The following CEBPZ variants were observed in gnomAD, a reference collection of about 807,000 sequenced individuals.
The protein encoded by CEBPZ is CCAAT/enhancer-binding protein zeta.
In CEBPZ, 78 loss-of-function variants were observed where a neutral mutation model predicts 104.5. That is an observed-to-expected ratio of 0.75 (90% CI 0.62 to 0.90). CEBPZ has a LOEUF of 0.90. Ranked by LOEUF, CEBPZ falls within the 40% of genes least tolerant of loss-of-function variation. CEBPZ has a pLI of 0.00. For synonymous variants in CEBPZ, 470 were observed against 427.0 expected (o/e 1.10, Z -1.24); for missense variants, 1,439 against 1,233.5 (o/e 1.17, Z -2.50).
intron 6 of CEBPZ, 139 bp from the exon 7 acceptor site, chr2:37,216,557 C>A: frequency 1.6e-6 from 1 of 642,212 alleles, no homozygotes; most frequent in East Asian, 2.7e-5. Flanking sequence ...TCAAATATCT[C>A]TCTCATGCAC....
intron 4 of CEBPZ, among the ~76,000 whole-genome samples, chr2:37,222,120 C>T (rs1416008046): frequency 6.6e-6 from 1 of 152,002 alleles, no homozygotes; most frequent in South Asian, 2.1e-4. Flanking sequence ...TCCACCTCTA[C>T]TAAAAATACA....
intron 8 of CEBPZ, 54 bp downstream of exon 8, chr2:37,216,086 C>T: frequency 8.2e-7 from 1 of 1,218,226 alleles, no homozygotes; most frequent in South Asian, 1.3e-5. Context: ...ACAATTTATG[C>T]ATCTTTGTCT....
intron 4 of CEBPZ, among the ~76,000 whole-genome samples, chr2:37,221,544 T>C (rs2268989): frequency 6.6e-6 from 1 of 152,240 alleles, no homozygotes; most frequent in African/African-American, 2.4e-5. Context: ...ATTATCTTCA[T>C]GTTTTTAGAA....
In CEBPZ at chr2:37,215,278, G is replaced by A. The variant is rs149550790; in HGVS notation, c.2381-326C>T. The A allele has an allele frequency of 8.7e-3, 1,592 of 183,536 alleles. 6 individuals carry two copies. Among genetic ancestry groups the A allele is most frequent in the Non-Finnish European group, 0.013 (1,170 of 88,826 alleles). 11.4% of individuals were successfully genotyped at this position (183,536 alleles called of 1,614,324 possible). A position where few individuals can be genotyped will look rare whatever the true frequency, so the allele number is the denominator to read the frequency against. ...TTTCAAGAGAAATAAAAAATTCAAA[G>A]AGTTATTTTAATAAATAATCACTTT... On this transcript the variant is annotated intron_variant, in intron 8 of 15. Transcript: ENST00000234170.
At position 37,202,769 on chromosome 2, in the gene CEBPZ, A is replaced by T; in HGVS notation, c.3025+15T>A. The T allele has an allele frequency of 6.7e-7, 1 of 1,502,660 alleles. No individual in the cohort carries two copies. Among genetic ancestry groups the T allele is most frequent in the Non-Finnish European group, 9.0e-7 (1 of 1,116,696 alleles). 93.1% of individuals were successfully genotyped at this position (1,502,660 alleles called of 1,614,324 possible). A position where few individuals can be genotyped will look rare whatever the true frequency, so the allele number is the denominator to read the frequency against. ...CTATTTTTAAAACATCAATAAAAAAATTTAAGTTACTTACTTGCATTATCT... is the reference window on the plus strand; with the variant it reads ...CTATTTTTAAAACATCAATAAAAAATTTTAAGTTACTTACTTGCATTATCT... On this transcript the variant is annotated intron_variant, in intron 15 of 15. Coordinates refer to ENST00000234170, the MANE Select transcript of CEBPZ (RefSeq NM_005760.3).
At position 37,210,988 on chromosome 2, in the gene CEBPZ, T is replaced by C. The variant is rs777561605; in HGVS notation, c.2884+11A>G. ...CACTGCTTTTAAAAGATATTAAATG[T>C]ATTTTCTTACCTTGAAATGAGCCAG... On this transcript the variant is annotated intron_variant, in intron 13 of 15. Coordinates refer to ENST00000234170, the MANE Select transcript of CEBPZ (RefSeq NM_005760.3). The C allele has an allele frequency of 5.1e-5, 81 of 1,590,578 alleles. No homozygotes were observed. The East Asian group carries it at 1.7e-3, about 33-fold the overall frequency.
Position 37,212,050 on chromosome 2 carries a change from A to C in CEBPZ, c.2604-11T>G. The C allele has an allele frequency of 1.3e-6, 2 of 1,573,388 alleles. No homozygotes were observed. Among genetic ancestry groups the C allele is most frequent in the Non-Finnish European group, 1.7e-6 (2 of 1,164,998 alleles). On this transcript the variant is annotated splice_polypyrimidine_tract_variant and intron_variant, in intron 11 of 15. Coordinates refer to ENST00000234170, the MANE Select transcript of CEBPZ (RefSeq NM_005760.3). The stretch of plus-strand genomic sequence containing the variant: ...CTCTTTTTCACGTTTCTGGAAAAAA[A>C]CACAACTTGTAATACAAGAGGAGGC...
intron 13 of CEBPZ, among the ~76,000 whole-genome samples, chr2:37,205,782 C>G (rs1255061300): frequency 6.6e-6 from 1 of 152,196 alleles, no homozygotes; most frequent in Non-Finnish European, 1.5e-5. Context: ...AGACTGTCAC[C>G]TGATACAGCA....
At chr2:37,222,706 C>G (rs1664801354) in intron 3 of CEBPZ, 143 bp from the exon 4 acceptor site, 1 of 567,918 alleles carries the variant, frequency 1.8e-6, no homozygotes, top group South Asian at 2.7e-5. Context: ...TGATGGCTAT[C>G]AATGGTATTT....
intron 1 of CEBPZ, among the ~76,000 whole-genome samples, chr2:37,229,969 T>C (rs886213145): frequency 1.3e-5 from 2 of 152,164 alleles, no homozygotes; most frequent in African/African-American, 4.8e-5. Context: ...GCTGGGATTA[T>C]GGGTGTGAGC....
chr2:37,206,602 C>A (rs113686817), intron 13 of CEBPZ, among the ~76,000 whole-genome samples: 5 of 152,258 alleles, frequency 3.3e-5, no homozygotes, highest in African/African-American at 1.2e-4. Flanking sequence ...AGGTGATGCC[C>A]GCCTGGGCCT....
chr2:37,225,217 T>C (rs1464200906), intron 2 of CEBPZ, among the ~76,000 whole-genome samples: 1 of 152,250 alleles, frequency 6.6e-6, no homozygotes, highest in Non-Finnish European at 1.5e-5. Context: ...CAATCAGTGC[T>C]ATGAAATGTC....
intron 8 of CEBPZ, among the ~76,000 whole-genome samples, chr2:37,215,879 T>C (rs1347526300): frequency 6.6e-6 from 1 of 151,060 alleles, no homozygotes; most frequent in Middle Eastern, 3.2e-3. Flanking sequence ...AGCTGGGTGA[T>C]GGTAATGGGG....
At position 37,222,436 on chromosome 2, in the gene CEBPZ, T is replaced by A. The variant is rs1030784878; in HGVS notation, c.2009A>T (p.Asp670Val). 1 of 1,605,922 alleles carries A rather than the reference T, an allele frequency of 6.2e-7. No individual in the cohort carries two copies. The highest frequency in any genetic ancestry group is 1.3e-5 in the African/African-American group (1 of 74,468). ...LETEETVPET[D>V]VETKKPEVAS... ...AACCTCTGGTTTTTTGGTTTCTACA[T>A]CAGTTTCAGGAACTGTTTCCTCTGT... The change falls in exon 4 of 16, where the codon GAT (aspartate) becomes GTT (valine). Residue 670 changes from aspartate (D) to valine (V), a missense_variant. Coordinates refer to ENST00000234170, the MANE Select transcript of CEBPZ (RefSeq NM_005760.3).
intron 1 of CEBPZ, 139 bp downstream of exon 1, chr2:37,231,273 C>T (rs1665084049): frequency 1.7e-6 from 2 of 1,181,620 alleles, no homozygotes; most frequent in Admixed American, 1.9e-5. Context: ...GGAAGCGCAC[C>T]GAACACATGC....
Position 37,228,427 on chromosome 2 carries a change from G to C in CEBPZ, c.766C>G (p.Gln256Glu). 2.5e-6 allele frequency: 4 copies of C among 1,614,188 alleles called. No homozygotes were observed. Among genetic ancestry groups the C allele is most frequent in the Non-Finnish European group, 3.4e-6 (4 of 1,180,018 alleles). The part of the protein sequence containing the change: ...DRMAAMILLI[Q>E]DDAVHTLQFV... ...TGAAGTGTGTGAACGGCATCATCCT[G>C]AATAAGAAGAATCATGGCTGCCATC... The change falls in exon 2 of 16, where the codon CAG becomes GAG. Residue 256 changes from glutamine to glutamate, a missense_variant. By Grantham distance (29) the Gln-to-Glu change is conservative. Coordinates refer to ENST00000234170, the MANE Select transcript of CEBPZ (RefSeq NM_005760.3).
chr2:37,213,825 T>C, intron 10 of CEBPZ, 39 bp downstream of exon 10: 5 of 1,344,386 alleles, frequency 3.7e-6, no homozygotes, highest in Non-Finnish European at 4.2e-6. Context: ...TAACACATAG[T>C]AGTAGATTAT....
chr2:37,228,331 T>C lies in CEBPZ; in HGVS notation c.862A>G (p.Thr288Ala). ...TCTGTGATAAGCAACTCTTTGAAAG[T>C]ATCCAAGGCCATAAGGCACTGCTGT... ...SKQQCLMALD[T>A]FKELLITDLL... The change falls in exon 2 of 16, where the codon ACT becomes GCT. Residue 288 changes from threonine (T) to alanine (A), a missense_variant. By Grantham distance (58) the Thr-to-Ala change is moderately conservative (BLOSUM62 0). Transcript: ENST00000234170. The C allele has an allele frequency of 6.2e-7, 1 of 1,614,212 alleles. No homozygotes were observed. Among genetic ancestry groups the C allele is most frequent in the Non-Finnish European group, 8.5e-7 (1 of 1,180,036 alleles).
intron 5 of CEBPZ, among the ~76,000 whole-genome samples, chr2:37,220,045 G>A (rs942814584): frequency 1.3e-5 from 2 of 152,138 alleles, no homozygotes; most frequent in African/African-American, 2.4e-5. Context: ...TAGGCCGGGC[G>A]CAGTGGCTCA....
Sources: allele counts gnomAD v4.1 joint callset (sites outside exome capture counted in the v4.1 genomes callset), GRCh38; gene constraint gnomAD v4.1.1; transcripts MANE v1.5; gene names NCBI Gene and HGNC (gene_info 2026-07-23, HGNC 2026-07-21).